The following FBXL17 variants were observed in gnomAD, a reference collection of about 807,000 sequenced individuals.
The protein encoded by FBXL17 is F-box/LRR-repeat protein 17.
In FBXL17, 22 loss-of-function variants were observed where a neutral mutation model predicts 66.2. That is an observed-to-expected ratio of 0.33 (90% confidence interval 0.24 to 0.47). The LOEUF is 0.47. FBXL17 is among the 20% of genes least tolerant of loss of function. FBXL17 has a pLI of 1.00. For missense variants in FBXL17, 878 were observed against 948.2 expected (o/e 0.93, Z 0.97); for synonymous variants, 474 against 400.5 (o/e 1.18, Z -2.19).
At chr5:108,186,322 A>T (rs1214683223) in intron 5 of FBXL17, 75 bp from the exon 6 acceptor site, 1 of 1,269,872 alleles carries the variant, frequency 7.9e-7, no homozygotes, top group Non-Finnish European at 1.1e-6. Flanking sequence ...AATGTAGTTT[A>T]TTACAAGGTA....
intron 4 of FBXL17, among the ~76,000 whole-genome samples, chr5:108,334,565 T>C (rs554367489): frequency 1.3e-5 from 2 of 152,244 alleles, no homozygotes; most frequent in East Asian, 1.9e-4. Context: ...AGGTAGAGGG[T>C]TAGGGTACCA....
intron 6 of FBXL17, among the ~76,000 whole-genome samples, chr5:108,130,757 C>T (rs774561649): frequency 3.3e-5 from 5 of 151,928 alleles, no homozygotes; most frequent in Non-Finnish European, 7.4e-5. Context: ...GATTTATGGG[C>T]TCAAAGATGG....
intron 6 of FBXL17, among the ~76,000 whole-genome samples, chr5:108,074,022 C>T (rs1748446059): frequency 6.6e-6 from 1 of 152,220 alleles, no homozygotes; most frequent in Non-Finnish European, 1.5e-5. Context: ...CCCATAGCCT[C>T]TTGACTCTAT....
chr5:108,294,616 A>ACT (rs1343853175), intron 4 of FBXL17, among the ~76,000 whole-genome samples: 4 of 151,774 alleles, frequency 2.6e-5, no homozygotes, highest in Non-Finnish European at 2.9e-5. Flanking sequence ...ATCAAATTTA[A>ACT]CTCTCTCTCT....
chr5:108,251,096 A>T (rs115387430), intron 4 of FBXL17, among the ~76,000 whole-genome samples: 3,758 of 152,198 alleles, frequency 0.025, 153 homozygotes, highest in African/African-American at 0.085. Context: ...ATTATCTGCA[A>T]TAATTTCTTG....
intron 6 of FBXL17, among the ~76,000 whole-genome samples, chr5:108,117,147 A>C (rs1460721621): frequency 6.6e-6 from 1 of 152,212 alleles, no homozygotes; most frequent in Non-Finnish European, 1.5e-5. Flanking sequence ...CTAAGTTTAT[A>C]TACAGTGTTT....
At chr5:107,946,258 TATATATATATATATATATA>T (rs1561333368) in intron 7 of FBXL17, among the ~76,000 whole-genome samples, 481 of 21,992 alleles carry the variant, frequency 0.022, 24 homozygotes, top group African/African-American at 0.11. Context: ...TCTCATTTTA[TATATATATATATATATATA>T]TATATATATA....
rs771893031 is a variant in FBXL17, at chr5:108,374,403, A to G, written c.993+6296T>C. On this transcript the variant is annotated intron_variant, in intron 1 of 8. Transcript: ENST00000542267. ...ATCAGTAACAGAGGCCAGGAACAGCAGCTCAGGCCTATAATTCCAGCATTT... is the reference window on the plus strand; with the variant it reads ...ATCAGTAACAGAGGCCAGGAACAGCGGCTCAGGCCTATAATTCCAGCATTT... 6.3e-4 allele frequency among the ~76,000 whole-genome samples: 96 copies of G among 152,304 alleles called. 1 individual carries two copies. The highest frequency in any genetic ancestry group is 1.5e-3 in the South Asian group (7 of 4,824).
intron 4 of FBXL17, among the ~76,000 whole-genome samples, chr5:108,343,390 T>C (rs1197264173): frequency 1.3e-5 from 2 of 152,140 alleles, no homozygotes; most frequent in African/African-American, 4.8e-5. Context: ...TCTGGATGAT[T>C]TGGGAGGCTC....
chr5:108,271,460 C>G (rs1276685237), intron 4 of FBXL17, among the ~76,000 whole-genome samples: 1 of 152,174 alleles, frequency 6.6e-6, no homozygotes, highest in Non-Finnish European at 1.5e-5. Flanking sequence ...CATAAGCAAT[C>G]TCTTTATTCA....
chr5:108,293,907 G>A (rs1758225955), intron 4 of FBXL17, among the ~76,000 whole-genome samples: 1 of 151,600 alleles, frequency 6.6e-6, no homozygotes, highest in Non-Finnish European at 1.5e-5. Context: ...CAGGCATGGT[G>A]GCACATGCCT....
intron 6 of FBXL17, among the ~76,000 whole-genome samples, chr5:108,139,068 T>G (rs1406363770): frequency 6.6e-6 from 1 of 152,126 alleles, no homozygotes; most frequent in East Asian, 1.9e-4. Context: ...GATGAAATGA[T>G]CTAACTGAAA....
At chr5:107,978,892 G>A (rs1752693326) in intron 7 of FBXL17, among the ~76,000 whole-genome samples, 1 of 152,122 alleles carries the variant, frequency 6.6e-6, no homozygotes, top group South Asian at 2.1e-4. Context: ...TTTGTGCAGG[G>A]GGCAGGAAGA....
In FBXL17 at chr5:107,924,388, AT is replaced by A. The variant is rs1225721720; in HGVS notation, c.1823-43210del. Among the ~76,000 whole-genome samples, 46 of 152,216 alleles carry A rather than the reference AT, an allele frequency of 3.0e-4. 1 individual carries two copies. Among genetic ancestry groups the A allele is most frequent in the Non-Finnish European group, 3.8e-4 (26 of 68,036 alleles). On this transcript the variant is annotated intron_variant, in intron 7 of 8. Coordinates refer to ENST00000542267, the MANE Select transcript of FBXL17 (RefSeq NM_001163315.3). ...GGTACAAGGAGTCTTATTAGAAAATATTTATTACATGTAACTGGGTAGAATA... is the reference window on the plus strand; with the variant it reads ...GGTACAAGGAGTCTTATTAGAAAATATTATTACATGTAACTGGGTAGAATA...
chr5:107,916,744 A>G (rs1462542412), intron 7 of FBXL17, among the ~76,000 whole-genome samples: 1 of 152,196 alleles, frequency 6.6e-6, no homozygotes, highest in Admixed American at 6.5e-5. Flanking sequence ...TATTTAACTA[A>G]AGAATATTTT....
intron 7 of FBXL17, among the ~76,000 whole-genome samples, chr5:107,948,813 T>C (rs3925679): frequency 0.8 from 121,643 of 152,208 alleles, 49,511 homozygotes; most frequent in Non-Finnish European, 0.87. Context: ...GAAGCAGATC[T>C]TGCCTATAAA....
intron 6 of FBXL17, among the ~76,000 whole-genome samples, chr5:108,027,981 A>T (rs1252136471): frequency 6.6e-6 from 1 of 152,152 alleles, no homozygotes; most frequent in Admixed American, 6.6e-5. Flanking sequence ...ATTTTGATAT[A>T]GTTAAGACTG....
intron 3 of FBXL17, among the ~76,000 whole-genome samples, chr5:108,357,744 T>C (rs1441571792): frequency 6.6e-6 from 1 of 152,094 alleles, no homozygotes; most frequent in Admixed American, 6.5e-5. Context: ...AATTATACTT[T>C]AAGTTCTAGG....
intron 5 of FBXL17, among the ~76,000 whole-genome samples, chr5:108,209,865 G>A (rs1469001490): frequency 6.6e-6 from 1 of 152,128 alleles, no homozygotes; most frequent in African/African-American, 2.4e-5. Flanking sequence ...CTATTGTTTG[G>A]AATAGTTTCA....
Sources: gnomAD v4.1 joint callset for allele counts (sites outside exome capture counted in the v4.1 genomes callset) on GRCh38, gnomAD v4.1.1 for gene constraint, MANE v1.5 for transcripts, NCBI Gene and HGNC (gene_info 2026-07-23, HGNC 2026-07-21) for gene names.